The following LGR6 variants were observed in gnomAD, a reference collection of about 807,000 sequenced individuals.
The protein encoded by LGR6 is leucine-rich repeat-containing G protein-coupled receptor 6.
In LGR6, 45 loss-of-function variants were observed where a neutral mutation model predicts 69.4. The ratio of observed to expected loss-of-function variants is 0.65; its 90% confidence interval spans 0.51 to 0.83. LGR6 has a LOEUF of 0.83. Ranked by LOEUF, LGR6 falls within the 40% of genes least tolerant of loss-of-function variation. LGR6 has a pLI of 0.00. For missense variants in LGR6, 1,108 were observed against 1,246.7 expected (o/e 0.89, Z 1.68); for synonymous variants, 538 against 555.0 (o/e 0.97, Z 0.43).
chr1:202,281,302 G>A (rs142574627), intron 6 of LGR6, among the ~76,000 whole-genome samples: 138 of 152,310 alleles, frequency 9.1e-4, no homozygotes, highest in African/African-American at 3.3e-3. Context: ...GCAGAGTAAT[G>A]CTGGGACTGT....
At chr1:202,248,294 G>A (rs1038021345) in intron 4 of LGR6, among the ~76,000 whole-genome samples, 4 of 152,152 alleles carry the variant, frequency 2.6e-5, no homozygotes, top group East Asian at 1.9e-4. Context: ...TCCCAGTGTC[G>A]CCCAGTGAAT....
intron 11 of LGR6, 114 bp downstream of exon 11, chr1:202,304,744 G>C (rs115712065): frequency 0.087 from 67,000 of 772,446 alleles, 3,517 homozygotes; most frequent in Middle Eastern, 0.18. Flanking sequence ...GGAGAATGGA[G>C]CAGCATAGGC....
chr1:202,247,714 G>A (rs987200844), intron 4 of LGR6, among the ~76,000 whole-genome samples: 2 of 152,200 alleles, frequency 1.3e-5, no homozygotes. Flanking sequence ...TTCTTGGGAA[G>A]GTACATTAGA....
intron 5 of LGR6, among the ~76,000 whole-genome samples, chr1:202,280,399 G>A (rs560955463): frequency 6.6e-6 from 1 of 152,238 alleles, no homozygotes; most frequent in Admixed American, 6.5e-5. Flanking sequence ...CCATAAGTAC[G>A]TCTGGCCACT....
chr1:202,204,461 CTCCACACACACA>C (rs1658980513), intron 1 of LGR6, among the ~76,000 whole-genome samples: 1 of 110,010 alleles, frequency 9.1e-6, no homozygotes, highest in African/African-American at 3.5e-5. Context: ...ACACACACAC[CTCCACACACACA>C]CCTCCAAACA....
intron 4 of LGR6, among the ~76,000 whole-genome samples, chr1:202,272,964 G>T (rs963404044): frequency 8.5e-5 from 13 of 152,192 alleles, no homozygotes; most frequent in African/African-American, 3.1e-4. Context: ...AGGACACCTA[G>T]GTGAACAGGT....
chr1:202,303,597 A>C (rs1467128564), intron 10 of LGR6, among the ~76,000 whole-genome samples: 4 of 152,082 alleles, frequency 2.6e-5, no homozygotes, highest in African/African-American at 9.7e-5. Context: ...TTCAGGTATT[A>C]ATTTAGAGCT....
rs367892756 is a variant in LGR6, at chr1:202,225,310, T to TG, written c.213-107dup. ...TGGCTTTGGAGTCAGAATGGCCTGG[T>TG]GGGGGGTACTGTGGGAGCCTCGGAG... On this transcript the variant is annotated intron_variant, in intron 1 of 17. Coordinates refer to ENST00000367278, the MANE Select transcript of LGR6 (RefSeq NM_001017403.2). 7 of 865,428 alleles carry TG rather than the reference T, an allele frequency of 8.1e-6. No individual in the cohort carries two copies. The African/African-American group carries it at 1.2e-4, about 14-fold the overall frequency. 53.6% of individuals were successfully genotyped at this position (865,428 alleles called of 1,614,324 possible).
intron 6 of LGR6, among the ~76,000 whole-genome samples, chr1:202,281,378 C>CTA (rs1665992338): frequency 6.6e-6 from 1 of 152,136 alleles, no homozygotes; most frequent in Non-Finnish European, 1.5e-5. Context: ...TCTAGCCTTA[C>CTA]TATAAGAAGC....
intron 4 of LGR6, among the ~76,000 whole-genome samples, chr1:202,264,339 G>A (rs944852512): frequency 5.9e-5 from 9 of 152,198 alleles, no homozygotes; most frequent in African/African-American, 1.7e-4. Flanking sequence ...CAGCTTTTAA[G>A]TATCTTTAAA....
chr1:202,238,971 G>A (rs1661887747), intron 4 of LGR6, among the ~76,000 whole-genome samples: 1 of 152,182 alleles, frequency 6.6e-6, no homozygotes, highest in Non-Finnish European at 1.5e-5. Flanking sequence ...GGCGGGCTGA[G>A]GCGTAAAATG....
chr1:202,267,649 GATTA>G (rs773665415), intron 4 of LGR6, among the ~76,000 whole-genome samples: 16 of 152,098 alleles, frequency 1.1e-4, no homozygotes, highest in Non-Finnish European at 1.9e-4. Flanking sequence ...CTAGCATGAA[GATTA>G]AATATGATAA....
chr1:202,317,360 G>A (rs1466672534), intron 17 of LGR6, among the ~76,000 whole-genome samples: 2 of 150,848 alleles, frequency 1.3e-5, no homozygotes, highest in African/African-American at 4.9e-5. Context: ...GTTTTTTTGG[G>A]GAGAGAGAGA....
chr1:202,283,226 C>T (rs1374522005), intron 6 of LGR6, among the ~76,000 whole-genome samples: 1 of 152,184 alleles, frequency 6.6e-6, no homozygotes, highest in Non-Finnish European at 1.5e-5. Flanking sequence ...CCCCTTCTTC[C>T]TGCCCTTGAG....
At chr1:202,235,425 A>T (rs140735260) in intron 3 of LGR6, among the ~76,000 whole-genome samples, 1 of 152,268 alleles carries the variant, frequency 6.6e-6, no homozygotes, top group African/African-American at 2.4e-5. Flanking sequence ...GTTCCTACAG[A>T]CAAAGGCTGA....
chr1:202,214,576 C>A (rs1325940232), intron 1 of LGR6, among the ~76,000 whole-genome samples: 2 of 152,168 alleles, frequency 1.3e-5, no homozygotes, highest in East Asian at 1.9e-4. Flanking sequence ...CGTGGGTTCG[C>A]GCTGCCAATT....
At chr1:202,298,268 G>A (rs1320052839) in intron 7 of LGR6, among the ~76,000 whole-genome samples, 1 of 152,206 alleles carries the variant, frequency 6.6e-6, no homozygotes, top group African/African-American at 2.4e-5. Context: ...CAAATCCTGA[G>A]ATGAGCCTTA....
chr1:202,315,882 A>G (rs908458916), intron 17 of LGR6, among the ~76,000 whole-genome samples: 1 of 152,250 alleles, frequency 6.6e-6, no homozygotes, highest in Admixed American at 6.5e-5. Flanking sequence ...TCACAATGCC[A>G]TGGAAATTTC....
chr1:202,280,851 C>G lies in LGR6; in HGVS notation c.715C>G (p.Leu239Val). 6.2e-7 allele frequency: 1 copy of G among 1,613,442 alleles called. No homozygotes were observed. Among genetic ancestry groups the G allele is most frequent in the Non-Finnish European group, 8.5e-7 (1 of 1,179,610 alleles). The change falls in exon 6 of 18, where the codon CTA (leucine) becomes GTA (valine). Residue 239 changes from leucine to valine, a missense_variant and splice_region_variant. Leu to Val is a conservative substitution (Grantham distance 32). Transcript: ENST00000367278. The part of the protein sequence containing the change: ...SFEGLHNLET[L>V]DLNYNKLQEF... ...CGAGGGGCTGCACAATCTGGAGACACTGTGAGTTTTGAGGTCTTGGTCAAA... is the reference window on the plus strand; with the variant it reads ...CGAGGGGCTGCACAATCTGGAGACAGTGTGAGTTTTGAGGTCTTGGTCAAA...
Sources: gnomAD v4.1 joint callset for allele counts (sites outside exome capture counted in the v4.1 genomes callset) on GRCh38, gnomAD v4.1.1 for gene constraint, MANE v1.5 for transcripts, NCBI Gene and HGNC (gene_info 2026-07-23, HGNC 2026-07-21) for gene names.